TJP2: variants seen among roughly 807,000 people sequenced by gnomAD.
The protein encoded by TJP2 is Friedreich ataxia region gene X104 (tight junction protein ZO-2).
In TJP2, 91 loss-of-function variants were observed where a neutral mutation model predicts 133.1. The observed-to-expected ratio is 0.68, with a 90% confidence interval of 0.58 to 0.81. TJP2 has a LOEUF of 0.81. Ranked by LOEUF, TJP2 falls within the 40% of genes least tolerant of loss-of-function variation. The pLI, the probability that TJP2 is intolerant of heterozygous loss-of-function variation, is 0.00. For synonymous variants in TJP2, 592 were observed against 583.4 expected, an observed-to-expected ratio of 1.01 and a Z score of -0.21; for missense variants, 1,541 against 1,565.6, an observed-to-expected ratio of 0.98 and a Z score of 0.26.
chr9:69,248,826 A>C, intron 19 of TJP2: 1 of 994,486 alleles, frequency 1.0e-6, no homozygotes, highest in Non-Finnish European at 1.2e-6. Flanking sequence ...GTTAGCAATT[A>C]TTAGTTGCAC....
chr9:69,238,677 C>A (rs752667292), intron 15 of TJP2, 33 bp from the exon 16 acceptor site: 2 of 1,584,258 alleles, frequency 1.3e-6, no homozygotes, highest in East Asian at 2.2e-5. Flanking sequence ...GTTTTCTAAA[C>A]AATTATTTAG....
intron 1 of TJP2, among the ~76,000 whole-genome samples, chr9:69,193,620 T>C (rs868291420): frequency 2.7e-5 from 4 of 146,502 alleles, no homozygotes; most frequent in African/African-American, 1.0e-4. Context: ...GCATACAAGA[T>C]AGAATAATGA....
intron 6 of TJP2, 143 bp downstream of exon 6, chr9:69,225,550 G>A (rs952990171): frequency 4.1e-5 from 27 of 664,886 alleles, no homozygotes; most frequent in Admixed American, 1.8e-4. Flanking sequence ...ATAATGAGAC[G>A]ATTTTTATCA....
intron 1 of TJP2, among the ~76,000 whole-genome samples, chr9:69,185,585 G>C (rs1376566934): frequency 1.3e-5 from 2 of 152,218 alleles, no homozygotes; most frequent in Non-Finnish European, 2.9e-5. Flanking sequence ...TTAATTCTAA[G>C]AGTTGCTGCT....
At chr9:69,213,350 C>G (rs192744843) in intron 2 of TJP2, among the ~76,000 whole-genome samples, 1 of 152,280 alleles carries the variant, frequency 6.6e-6, no homozygotes, top group African/African-American at 2.4e-5. Context: ...CGTGAGCCAC[C>G]GTGCCCAGAC....
intron 1 of TJP2, among the ~76,000 whole-genome samples, chr9:69,144,514 G>A (rs563529457): frequency 6.6e-6 from 1 of 152,258 alleles, no homozygotes; most frequent in South Asian, 2.1e-4. Flanking sequence ...AAAAAAAATA[G>A]CTTGAAGAAG....
chr9:69,224,047 A>G (rs1431957905), intron 5 of TJP2, among the ~76,000 whole-genome samples: 3 of 152,238 alleles, frequency 2.0e-5, no homozygotes, highest in Non-Finnish European at 2.9e-5. Context: ...TATTTTTACA[A>G]GTTTATTAAG....
At chr9:69,234,839 G>A (rs1348313005) in intron 12 of TJP2, among the ~76,000 whole-genome samples, 2 of 152,158 alleles carry the variant, frequency 1.3e-5, no homozygotes, top group Non-Finnish European at 2.9e-5. Context: ...AGTTATTAGT[G>A]AGTTTACATA....
rs780626468 is a variant in TJP2, at chr9:69,226,145, T to A, written c.1180T>A (p.Ser394Thr). The stretch of plus-strand genomic sequence containing the variant: ...CCAGCAGACCCTCATCAACATCCCG[T>A]CATTAAATGACAGTGACTCAGAAAT... ...DSQQTLINIPSLNDSDSEIED... is the reference protein window; with the variant it reads ...DSQQTLINIPTLNDSDSEIED... The change falls in exon 7 of 23, where the codon TCA (serine) becomes ACA (threonine). Residue 394 changes from serine (S) to threonine (T), a missense_variant. Coordinates refer to ENST00000377245, the MANE Select transcript of TJP2 (RefSeq NM_004817.4). 3.1e-6 allele frequency: 5 copies of A among 1,614,084 alleles called. No homozygotes were observed. The South Asian group carries it at 5.5e-5, about 18-fold the overall frequency.
chr9:69,243,355 T>G (rs1297886013), intron 17 of TJP2, among the ~76,000 whole-genome samples: 1 of 152,234 alleles, frequency 6.6e-6, no homozygotes, highest in African/African-American at 2.4e-5. Flanking sequence ...CTCACGAGTA[T>G]TTAATTATGA....
rs12348543 is a variant in TJP2, at chr9:69,222,737, C to G, written c.952+1241C>G. 7.8e-3 allele frequency among the ~76,000 whole-genome samples: 1,183 copies of G among 152,202 alleles called. 22 individuals carry two copies. Among genetic ancestry groups the G allele is most frequent in the African/African-American group, 0.026 (1,098 of 41,540 alleles). ...ATCACCTGGGCACCCCTTAGAAATG[C>G]AGACTCTCAGGCCCAACCCAGTCCC... On this transcript the variant is annotated intron_variant, in intron 5 of 22. Transcript: ENST00000377245.
At chr9:69,165,837 T>C (rs1824322661) in intron 2 of TJP2, among the ~76,000 whole-genome samples, 1 of 152,196 alleles carries the variant, frequency 6.6e-6, no homozygotes, top group Non-Finnish European at 1.5e-5. Flanking sequence ...CAGGTATGTC[T>C]AAACTAGAAC....
chr9:69,231,859 A>G (rs1208476051), intron 11 of TJP2, among the ~76,000 whole-genome samples: 1 of 152,236 alleles, frequency 6.6e-6, no homozygotes, highest in South Asian at 2.1e-4. Flanking sequence ...TACTCTTTGC[A>G]TATATGCTGA....
chr9:69,194,894 T>G (rs985927241), intron 1 of TJP2, among the ~76,000 whole-genome samples: 1 of 152,196 alleles, frequency 6.6e-6, no homozygotes, highest in Admixed American at 6.5e-5. Flanking sequence ...CCAATTCTAA[T>G]AGGAAAGGCA....
At chr9:69,133,486 A>G (rs1179839171) in intron 1 of TJP2, among the ~76,000 whole-genome samples, 2 of 148,836 alleles carry the variant, frequency 1.3e-5, no homozygotes, top group Non-Finnish European at 1.5e-5. Context: ...ACAAGCCTGC[A>G]TTCCTGCCAC....
intron 14 of TJP2, 93 bp downstream of exon 14, chr9:69,237,229 T>C (rs985450332): frequency 1.1e-5 from 16 of 1,450,346 alleles, no homozygotes; most frequent in East Asian, 9.1e-5. Context: ...TTCTAACTTA[T>C]GTATGTCAGT....
rs776606848 is a variant in TJP2 at position 69,221,307 on chromosome 9, C to T, written c.763C>T (p.Arg255Trp). 1.2e-5 allele frequency: 19 copies of T among 1,604,836 alleles called. No homozygotes were observed. The highest frequency in any genetic ancestry group is 3.4e-5 in the Admixed American group (2 of 59,078). ...IDQDYERAYH[R>W]AYDPDYERAY... is the part of the protein sequence containing the mutation. ...CCAGGACTACGAGCGAGCCTATCAC[C>T]GGGCCTACGACCCAGACTACGAGCG... Residue 255 changes from arginine (R) to tryptophan (W), a missense_variant, in exon 5 of 23, where the codon CGG becomes TGG. Physicochemically the swap from Arg to Trp is moderately radical, Grantham distance 101. Transcript: ENST00000377245.
chr9:69,212,771 G>T (rs963557073), intron 2 of TJP2, among the ~76,000 whole-genome samples, 170 bp downstream of exon 2: 1 of 151,946 alleles, frequency 6.6e-6, no homozygotes, highest in African/African-American at 2.4e-5. Context: ...AGATTTGCAT[G>T]CTATTGTATT....
At chr9:69,222,180 T>C (rs1332781542) in intron 5 of TJP2, among the ~76,000 whole-genome samples, 2 of 26,574 alleles carry the variant, frequency 7.5e-5, no homozygotes, top group Non-Finnish European at 8.2e-5. Flanking sequence ...CCAGCTAACT[T>C]TTTTTTTTTT....
Sources: allele counts gnomAD v4.1 joint callset (sites outside exome capture counted in the v4.1 genomes callset), GRCh38; gene constraint gnomAD v4.1.1; transcripts MANE v1.5; gene names NCBI Gene and HGNC (gene_info 2026-07-23, HGNC 2026-07-21).